The following EYA2 variants were observed in gnomAD, a reference collection of about 807,000 sequenced individuals.
The protein encoded by EYA2 is protein phosphatase EYA2.
Under a neutral mutation model 69.2 loss-of-function variants are expected in EYA2, and 31 were observed. That is an observed-to-expected ratio of 0.45 (90% CI 0.34 to 0.60). The LOEUF is 0.60. Among genes scored for constraint, EYA2 ranks in the 20% least tolerant of loss-of-function variants. The probability of loss-of-function intolerance (pLI) is 0.02; values close to 1 mark genes in which losing one functional copy is unlikely to be tolerated. For missense variants in EYA2, 622 were observed against 701.2 expected (o/e 0.89, Z 1.28); for synonymous variants, 257 against 279.4 (o/e 0.92, Z 0.80).
rs113200254 is a variant in EYA2, at chr20:47,003,214, G to T, written c.156-1728G>T. Among the ~76,000 whole-genome samples, 10 of 152,292 alleles carry T rather than the reference G, an allele frequency of 6.6e-5. 1 individual carries two copies. Among genetic ancestry groups the T allele is most frequent in the African/African-American group, 2.4e-4 (10 of 41,552 alleles). ...TCTCTATCTGCTGTATGCTTGTGGC[G>T]TGTTATTAAGTCTCTCTCTGCCTCT... On this transcript the variant is annotated intron_variant, in intron 3 of 15. Transcript: ENST00000327619.
chr20:47,082,411 G>A (rs1231027933), intron 7 of EYA2, among the ~76,000 whole-genome samples: 2 of 150,884 alleles, frequency 1.3e-5, no homozygotes, highest in Non-Finnish European at 3.0e-5. Context: ...CAGTGTTGCA[G>A]GGTACTAGGT....
chr20:46,896,681 TA>T (rs977061135), intron 1 of EYA2, among the ~76,000 whole-genome samples: 3 of 152,102 alleles, frequency 2.0e-5, no homozygotes, highest in African/African-American at 7.2e-5. Flanking sequence ...GTGTTTGTAT[TA>T]AAAAAAATCT....
chr20:47,131,092 GA>G (rs202033871), intron 9 of EYA2, among the ~76,000 whole-genome samples: 11 of 149,548 alleles, frequency 7.4e-5, no homozygotes, highest in East Asian at 2.0e-4. Flanking sequence ...TCCATCTCAA[GA>G]AAAAAAAAAT....
At chr20:47,039,835 C>CTTTTTTTTTGTT (rs1984940008) in intron 5 of EYA2, among the ~76,000 whole-genome samples, 1 of 69,806 alleles carries the variant, frequency 1.4e-5, no homozygotes, top group African/African-American at 6.1e-5. Flanking sequence ...AGATCAAATA[C>CTTTTTTTTTGTT]TTTTTTTTTT....
chr20:47,076,214 C>T (rs760223141), intron 7 of EYA2, among the ~76,000 whole-genome samples: 13 of 152,200 alleles, frequency 8.5e-5, no homozygotes, highest in Non-Finnish European at 4.4e-5. Context: ...TGGATATATA[C>T]CCAGTAATGG....
chr20:47,119,476 G>C (rs184300001), intron 9 of EYA2, among the ~76,000 whole-genome samples: 1 of 152,220 alleles, frequency 6.6e-6, no homozygotes, highest in African/African-American at 2.4e-5. Flanking sequence ...AGTCATACTC[G>C]TGGAATATGA....
At chr20:47,062,193 C>A (rs1048703500) in intron 5 of EYA2, among the ~76,000 whole-genome samples, 1 of 152,232 alleles carries the variant, frequency 6.6e-6, no homozygotes, top group Non-Finnish European at 1.5e-5. Flanking sequence ...CGGACCACCA[C>A]CCCAGGAGCA....
intron 10 of EYA2, chr20:47,161,390 T>C (rs2146633592): frequency 2.4e-6 from 1 of 425,238 alleles, no homozygotes; most frequent in South Asian, 2.1e-5. Context: ...TCTGCTTTTG[T>C]ACTGGCATGA....
chr20:47,120,077 A>G (rs2033005218), intron 9 of EYA2, among the ~76,000 whole-genome samples: 1 of 152,158 alleles, frequency 6.6e-6, no homozygotes, highest in African/African-American at 2.4e-5. Flanking sequence ...GCATGGTGGC[A>G]CACACCTGTA....
chr20:47,115,685 G>C (rs1386089521), intron 9 of EYA2, among the ~76,000 whole-genome samples: 1 of 151,930 alleles, frequency 6.6e-6, no homozygotes, highest in African/African-American at 2.4e-5. Context: ...CTTCCCCTCT[G>C]CCTCCACCAC....
intron 7 of EYA2, among the ~76,000 whole-genome samples, chr20:47,076,675 A>G (rs1250623187): frequency 1.3e-5 from 2 of 152,202 alleles, no homozygotes; most frequent in East Asian, 3.8e-4. Context: ...AAAGCAAATG[A>G]ACTTTTAGGC....
chr20:47,004,810 G>A, intron 3 of EYA2, 132 bp from the exon 4 acceptor site: 13 of 1,191,068 alleles, frequency 1.1e-5, no homozygotes, highest in Non-Finnish European at 1.6e-5. Flanking sequence ...AATGGGATTT[G>A]GTGAACATGT....
At chr20:46,954,989 C>T (rs900558902) in intron 1 of EYA2, among the ~76,000 whole-genome samples, 5 of 152,138 alleles carry the variant, frequency 3.3e-5, no homozygotes, top group East Asian at 3.8e-4. Context: ...AAATGGATGT[C>T]GGCACGTCCT....
At chr20:47,137,907 C>G (rs777051066) in intron 9 of EYA2, among the ~76,000 whole-genome samples, 1 of 149,700 alleles carries the variant, frequency 6.7e-6, no homozygotes, top group Non-Finnish European at 1.5e-5. Context: ...CTAAACAGCG[C>G]GTATTCTCAC....
chr20:47,088,110 C>G (rs2031953827), intron 7 of EYA2, among the ~76,000 whole-genome samples: 1 of 152,170 alleles, frequency 6.6e-6, no homozygotes, highest in Non-Finnish European at 1.5e-5. Flanking sequence ...TGGTGGGTGC[C>G]TATAATCCCA....
intron 12 of EYA2, among the ~76,000 whole-genome samples, chr20:47,174,964 G>A (rs1277703387): frequency 2.6e-5 from 4 of 152,218 alleles, no homozygotes; most frequent in Non-Finnish European, 5.9e-5. Flanking sequence ...AGCCCTGCAC[G>A]GAGGGAGGAG....
intron 1 of EYA2, among the ~76,000 whole-genome samples, chr20:46,944,978 C>T (rs375231379): frequency 6.6e-6 from 1 of 151,988 alleles, no homozygotes; most frequent in South Asian, 2.1e-4. Flanking sequence ...GTGGTGCCTG[C>T]GTGTAGTCCT....
intron 5 of EYA2, among the ~76,000 whole-genome samples, chr20:47,027,237 GATGGC>G (rs1373416173): frequency 1.3e-5 from 2 of 152,224 alleles, no homozygotes; most frequent in Non-Finnish European, 2.9e-5. Flanking sequence ...TCTCTCCGGT[GATGGC>G]ATCTTTCAGG....
chr20:47,020,524 AT>A (rs202002924), intron 5 of EYA2, among the ~76,000 whole-genome samples: 7 of 151,260 alleles, frequency 4.6e-5, no homozygotes, highest in Non-Finnish European at 7.4e-5. Flanking sequence ...TATGGGTTTG[AT>A]TTTTTTTCTT....
Sources: allele counts gnomAD v4.1 joint callset (sites outside exome capture counted in the v4.1 genomes callset), GRCh38; gene constraint gnomAD v4.1.1; transcripts MANE v1.5; gene names NCBI Gene and HGNC (gene_info 2026-07-23, HGNC 2026-07-21).